The following THOC5 variants were observed in gnomAD, a reference collection of about 807,000 sequenced individuals.
THOC5 encodes the protein THO complex subunit 5.
THOC5 carries 43 observed loss-of-function variants against 92.9 expected under a neutral mutation model. The ratio of observed to expected loss-of-function variants is 0.46; its 90% CI spans 0.36 to 0.60. The LOEUF (loss-of-function observed/expected upper bound fraction) is 0.60. Among genes scored for constraint, THOC5 ranks in the 20% least tolerant of loss-of-function variants. The pLI is 0.00. For synonymous variants in THOC5, 296 were observed against 320.1 expected (o/e 0.92, Z 0.80); for missense variants, 659 against 849.4 (o/e 0.78, Z 2.79).
At chr22:29,513,275 T>C (rs1039212180) in intron 17 of THOC5, among the ~76,000 whole-genome samples, 3 of 151,310 alleles carry the variant, frequency 2.0e-5, no homozygotes, top group Non-Finnish European at 4.4e-5. Context: ...GAGAATCGCT[T>C]GAATCCAGGA....
At position 29,542,529 on chromosome 22, in the gene THOC5, C is replaced by T. The variant is rs539189003; in HGVS notation, c.452+330G>A. Among the ~76,000 whole-genome samples the T allele has an allele frequency of 3.3e-3, 499 of 152,152 alleles. 3 individuals carry two copies. Among genetic ancestry groups the T allele is most frequent in the Non-Finnish European group, 5.1e-3 (348 of 67,986 alleles). ...CTGTAATCCCAGCACTTTGGGAGGC[C>T]GAGGCGGGAGGACCACCTGAGGTCA... is the stretch of plus-strand genomic sequence containing the variant. On this transcript the variant is annotated intron_variant, in intron 5 of 19. Coordinates refer to ENST00000490103, the MANE Select transcript of THOC5 (RefSeq NM_003678.5).
intron 2 of THOC5, among the ~76,000 whole-genome samples, 177 bp from the exon 3 acceptor site, chr22:29,544,780 C>A (rs2063979782): frequency 6.6e-6 from 1 of 152,140 alleles, no homozygotes; most frequent in African/African-American, 2.4e-5. Context: ...AAATAGAAAC[C>A]TCTTTTGCTT....
intron 19 of THOC5, among the ~76,000 whole-genome samples, chr22:29,509,441 G>C (rs1196354912): frequency 6.6e-6 from 1 of 152,166 alleles, no homozygotes; most frequent in Non-Finnish European, 1.5e-5. Flanking sequence ...TCTAGGGAGA[G>C]AGCAAGTCCT....
intron 17 of THOC5, among the ~76,000 whole-genome samples, chr22:29,513,147 G>C (rs948902517): frequency 1.3e-5 from 2 of 149,228 alleles, no homozygotes; most frequent in African/African-American, 5.0e-5. Context: ...TCAGGAGATC[G>C]AGACCATCCT....
intron 2 of THOC5, 133 bp from the exon 3 acceptor site, chr22:29,544,736 C>A: frequency 2.2e-6 from 2 of 905,044 alleles, no homozygotes. Flanking sequence ...TCTAAAAGAT[C>A]TGGTCCTTAA....
At chr22:29,527,898 C>T (rs960124487) in intron 11 of THOC5, among the ~76,000 whole-genome samples, 180 bp downstream of exon 11, 7 of 152,216 alleles carry the variant, frequency 4.6e-5, no homozygotes, top group Middle Eastern at 3.4e-3. Flanking sequence ...TATGTTGTTA[C>T]GGTTATGATT....
intron 12 of THOC5, among the ~76,000 whole-genome samples, chr22:29,522,391 T>TAAAAC (rs2063461602): frequency 1.3e-5 from 2 of 149,358 alleles, no homozygotes; most frequent in African/African-American, 4.9e-5. Context: ...TAAAATAAAA[T>TAAAAC]AAAATAAAAC....
intron 11 of THOC5, among the ~76,000 whole-genome samples, chr22:29,526,260 C>T (rs767605171): frequency 3.9e-5 from 6 of 152,102 alleles, no homozygotes; most frequent in East Asian, 1.9e-4. Flanking sequence ...CGGCCAGGCG[C>T]GGTGGCTCAC....
chr22:29,520,047 C>T lies in THOC5; in HGVS notation c.1335G>A (p.Gln445=). The change falls in exon 14 of 20, where the codon CAG becomes CAA. Residue 445 remains glutamine, a synonymous_variant. Coordinates refer to ENST00000490103, the MANE Select transcript of THOC5 (RefSeq NM_003678.5). ...TGGGGAAGTGGAGGCCACCCAGCTT[C>T]TGCACCCACAAATAGGGGTGACCTA... ...LELGHPYLWV[Q]KLGGLHFPKE... 6.2e-7 allele frequency: 1 copy of T among 1,614,004 alleles called. No individual in the cohort carries two copies. Among genetic ancestry groups the T allele is most frequent in the Non-Finnish European group, 8.5e-7 (1 of 1,179,968 alleles).
At chr22:29,514,559 G>A (rs1056411003) in intron 17 of THOC5, among the ~76,000 whole-genome samples, 18 of 150,922 alleles carry the variant, frequency 1.2e-4, no homozygotes, top group Non-Finnish European at 1.6e-4. Context: ...CTCGTGATCC[G>A]CCCGCCTCGG....
At chr22:29,544,718 G>A in intron 2 of THOC5, 115 bp from the exon 3 acceptor site, 1 of 1,079,644 alleles carries the variant, frequency 9.3e-7, no homozygotes, top group Non-Finnish European at 1.3e-6. Context: ...TGAAGCCTCA[G>A]TCAGGTCTCT....
chr22:29,508,484 A>G lies in THOC5; in HGVS notation c.2025T>C (p.His675=), dbSNP rs1212936580. 6.2e-7 allele frequency: 1 copy of G among 1,614,056 alleles called. No individual in the cohort carries two copies. The highest frequency in any genetic ancestry group is 1.3e-5 in the African/African-American group (1 of 74,924). Residue 675 remains histidine, a synonymous_variant, in exon 20 of 20, where the codon CAT becomes CAC. Coordinates refer to ENST00000490103, the MANE Select transcript of THOC5 (RefSeq NM_003678.5). ...PSRMKPFKYN[H]PQGFFSHR ...AGCGATGGCTGAAGAATCCCTGAGG[A>G]TGGTTGTATTTAAATGGCTTCATCC...
At chr22:29,541,403 A>T (rs571710055) in intron 5 of THOC5, among the ~76,000 whole-genome samples, 1 of 148,568 alleles carries the variant, frequency 6.7e-6, no homozygotes, top group Non-Finnish European at 1.5e-5. Flanking sequence ...GCTACTCAGG[A>T]GGCTGAAATG....
At chr22:29,539,512 C>T in intron 5 of THOC5, 36 bp from the exon 6 acceptor site, 1 of 1,599,798 alleles carries the variant, frequency 6.3e-7, no homozygotes, top group South Asian at 1.1e-5. Flanking sequence ...CTGCTGTTCT[C>T]AGGAAACTAA....
At chr22:29,521,299 C>A (rs1267131008) in intron 12 of THOC5, among the ~76,000 whole-genome samples, 200 bp from the exon 13 acceptor site, 2 of 152,140 alleles carry the variant, frequency 1.3e-5, no homozygotes, top group African/African-American at 2.4e-5. Context: ...TTATCATTTC[C>A]ATTTTATAGA....
intron 2 of THOC5, among the ~76,000 whole-genome samples, chr22:29,548,548 C>G (rs565914689): frequency 6.6e-6 from 1 of 152,122 alleles, no homozygotes; most frequent in East Asian, 1.9e-4. Context: ...CAGTGAGACC[C>G]TGTCTCAAAA....
At chr22:29,529,321 A>G in intron 8 of THOC5, 82 bp from the exon 9 acceptor site, 1 of 1,424,240 alleles carries the variant, frequency 7.0e-7, no homozygotes, top group Non-Finnish European at 9.9e-7. Flanking sequence ...CTGGGGCTGC[A>G]TTTCTCCCAC....
Position 29,531,973 on chromosome 22 carries a change from A to G in THOC5, c.715-10T>C, listed in dbSNP as rs2146509190. 7.4e-6 allele frequency: 12 copies of G among 1,613,230 alleles called. No homozygotes were observed. Among genetic ancestry groups the G allele is most frequent in the Non-Finnish European group, 9.3e-6 (11 of 1,179,350 alleles). On this transcript the variant is annotated splice_polypyrimidine_tract_variant and intron_variant, in intron 7 of 19. Transcript: ENST00000490103. ...GCACCGGAAGGGAAGCCTGCACACA[A>G]GAGACAGATTTTTGTTCTTCCTTTT...
At chr22:29,549,183 G>A (rs781627202) in intron 1 of THOC5, 25 bp from the exon 2 acceptor site, 4 of 1,603,460 alleles carry the variant, frequency 2.5e-6, no homozygotes, top group African/African-American at 2.7e-5. Context: ...AAGTTTTTGA[G>A]ATTCTTCTGG....
Sources: gnomAD v4.1 joint callset for allele counts (sites outside exome capture counted in the v4.1 genomes callset) on GRCh38, gnomAD v4.1.1 for gene constraint, MANE v1.5 for transcripts, NCBI Gene and HGNC (gene_info 2026-07-23, HGNC 2026-07-21) for gene names.